Variants in KIF4A observed in about 807,000 individuals in gnomAD.
The protein encoded by KIF4A is chromosome-associated kinesin KIF4A.
Under a neutral mutation model 105.9 loss-of-function variants are expected in KIF4A, and 7 were observed. That is an observed-to-expected ratio of 0.07 (90% confidence interval 0.04 to 0.12). The LOEUF is 0.12. KIF4A is among the 10% of genes least tolerant of loss of function. The pLI, the probability that KIF4A is intolerant of heterozygous loss-of-function variation, is 1.00. For missense variants in KIF4A, 558 were observed against 929.2 expected, an observed-to-expected ratio of 0.60 and a Z score of 5.19; for synonymous variants, 281 against 331.3, an observed-to-expected ratio of 0.85 and a Z score of 1.65.
intron 28 of KIF4A, among the ~76,000 whole-genome samples, chrX:70,417,047 A>G (rs2086347084): frequency 8.9e-6 from 1 of 112,978 alleles, no homozygotes; most frequent in Non-Finnish European, 1.9e-5. Context: ...TTCTAAAAAT[A>G]CTGAGCAACT....
chrX:70,367,116 C>T (rs1174077380), intron 15 of KIF4A, among the ~76,000 whole-genome samples: 40 of 111,571 alleles, frequency 3.6e-4, no homozygotes, highest in Non-Finnish European at 2.3e-4. Flanking sequence ...GATCTTCCTC[C>T]ATCCCTTTAT....
intron 28 of KIF4A, among the ~76,000 whole-genome samples, chrX:70,411,103 G>A (rs1257467870): frequency 1.8e-5 from 2 of 111,541 alleles, no homozygotes; most frequent in Admixed American, 9.6e-5. Flanking sequence ...GCAGAAAAGA[G>A]GAAGCAGGTA....
chrX:70,313,129 C>T (rs2085856806), intron 7 of KIF4A, among the ~76,000 whole-genome samples: 2 of 111,352 alleles, frequency 1.8e-5, no homozygotes, highest in Non-Finnish European at 1.9e-5. Flanking sequence ...CACAGTATGA[C>T]CAAGAATTTG....
intron 15 of KIF4A, among the ~76,000 whole-genome samples, chrX:70,373,538 A>ACG (rs1410935430): frequency 2.3e-5 from 1 of 43,386 alleles, no homozygotes; most frequent in African/African-American, 1.2e-4. Flanking sequence ...ATATATATAT[A>ACG]TATATATATA....
At chrX:70,313,350 T>G (rs2085857630) in intron 7 of KIF4A, among the ~76,000 whole-genome samples, 1 of 112,401 alleles carries the variant, frequency 8.9e-6, no homozygotes, top group African/African-American at 3.2e-5. Flanking sequence ...CTTCATTAAT[T>G]AATTTATCCA....
chrX:70,308,331 A>G (rs1219287730), intron 7 of KIF4A, among the ~76,000 whole-genome samples: 1 of 112,208 alleles, frequency 8.9e-6, no homozygotes, highest in Admixed American at 9.5e-5. Context: ...GCATTGCCTA[A>G]TTTATTTATT....
At chrX:70,302,676 A>G (rs1000885288) in intron 7 of KIF4A, among the ~76,000 whole-genome samples, 9 of 112,000 alleles carry the variant, frequency 8.0e-5, no homozygotes, top group Admixed American at 2.9e-4. Flanking sequence ...CCAACTATTT[A>G]TAATTAAAAT....
intron 4 of KIF4A, among the ~76,000 whole-genome samples, chrX:70,298,148 G>A (rs1480198463): frequency 9.1e-6 from 1 of 110,377 alleles, no homozygotes; most frequent in African/African-American, 3.3e-5. Context: ...GTGCATGCCT[G>A]CAGTCCCAGC....
Position 70,299,330 on chromosome X carries a change from C to T in KIF4A, c.516+128C>T, listed in dbSNP as rs2085795998. ...CATCTCAGTCAGGTTTTCTGTGGTC[C>T]TAAGTCCCTTTGTTAATCTAAAATT... On this transcript the variant is annotated intron_variant, in intron 5 of 30. Coordinates refer to ENST00000374403, the MANE Select transcript of KIF4A (RefSeq NM_012310.5). 6.5e-6 allele frequency: 3 copies of T among 461,537 alleles called. No homozygotes were observed. The Admixed American group carries it at 1.4e-4, about 22-fold the overall frequency. 38.0% of individuals were successfully genotyped at this position (461,537 alleles called of 1,213,427 possible).
chrX:70,366,347 G>A (rs893344426), intron 15 of KIF4A, among the ~76,000 whole-genome samples: 1 of 111,458 alleles, frequency 9.0e-6, no homozygotes, highest in Non-Finnish European at 1.9e-5. Context: ...ATGTTGGGGT[G>A]CCAATTTTAG....
chrX:70,353,674 A>T lies in KIF4A; in HGVS notation c.1541A>T (p.Gln514Leu). The T allele has an allele frequency of 8.3e-7, 1 of 1,209,612 alleles. No homozygotes were observed. The highest frequency in any genetic ancestry group is 3.0e-5 in the East Asian group (1 of 33,786). The change falls in exon 15 of 31, where the codon CAG becomes CTG. Residue 514 changes from glutamine (Q) to leucine (L), a missense_variant. Coordinates refer to ENST00000374403, the MANE Select transcript of KIF4A (RefSeq NM_012310.5). Reference protein sequence around the residue: ...TSRSSDAFTTQHALRQAQMSK... With the variant: ...TSRSSDAFTTLHALRQAQMSK... Reference sequence around the variant, plus strand: ...AGGTCTTCTGACGCTTTTACCACTCAGCATGCTCTCCGTCAAGCGCAGATG... The same window carrying T: ...AGGTCTTCTGACGCTTTTACCACTCTGCATGCTCTCCGTCAAGCGCAGATG...
chrX:70,353,562 T>A, intron 14 of KIF4A, 60 bp from the exon 15 acceptor site: 1 of 1,019,949 alleles, frequency 9.8e-7, no homozygotes, highest in Non-Finnish European at 1.3e-6. Context: ...GATGAAATAG[T>A]GCCTAAGGAA....
chrX:70,299,085 T>G (rs2085794761), intron 4 of KIF4A, 28 bp from the exon 5 acceptor site: 1 of 1,156,865 alleles, frequency 8.6e-7, no homozygotes, highest in African/African-American at 1.8e-5. Flanking sequence ...ACATCTTGTT[T>G]TTGCCACTTT....
chrX:70,364,830 G>A (rs2086093925), intron 15 of KIF4A, among the ~76,000 whole-genome samples: 1 of 111,566 alleles, frequency 9.0e-6, no homozygotes, highest in African/African-American at 3.3e-5. Flanking sequence ...AATAACCTTG[G>A]GCAGTATGGC....
chrX:70,373,633 TATAC>T (rs1196027280), intron 15 of KIF4A, among the ~76,000 whole-genome samples: 1 of 9,291 alleles, frequency 1.1e-4, no homozygotes, highest in African/African-American at 4.1e-4. Context: ...TACGTATATA[TATAC>T]ATATATACGT....
intron 7 of KIF4A, among the ~76,000 whole-genome samples, chrX:70,310,311 TTGTGTGTGTGTGTGTGTGTGTG>T (rs1555945529): frequency 5.8e-5 from 5 of 86,287 alleles, no homozygotes; most frequent in African/African-American, 2.4e-4. Flanking sequence ...CTCAAAATGG[TTGTGTGTGTGTGTGTGTGTGTG>T]TGTGTGTGTG....
chrX:70,298,705 T>C, intron 4 of KIF4A, among the ~76,000 whole-genome samples: 1 of 112,747 alleles, frequency 8.9e-6, no homozygotes. Context: ...TGTTTCATAT[T>C]GAAATATTAG....
intron 15 of KIF4A, among the ~76,000 whole-genome samples, chrX:70,373,135 G>C (rs1204323337): frequency 9.1e-6 from 1 of 109,567 alleles, no homozygotes; most frequent in Non-Finnish European, 1.9e-5. Context: ...TAGCCAAGTT[G>C]GTGGCAGACT....
intron 18 of KIF4A, among the ~76,000 whole-genome samples, chrX:70,384,298 C>T (rs1320866756): frequency 9.0e-6 from 1 of 111,423 alleles, no homozygotes; most frequent in Non-Finnish European, 1.9e-5. Flanking sequence ...GGAAGTAGGG[C>T]AACAAAAAGT....
Sources: allele counts gnomAD v4.1 joint callset (sites outside exome capture counted in the v4.1 genomes callset), GRCh38; gene constraint gnomAD v4.1.1; transcripts MANE v1.5; gene names NCBI Gene and HGNC (gene_info 2026-07-23, HGNC 2026-07-21).